Variants in FAAH2 observed in about 807,000 individuals in gnomAD.
FAAH2 encodes the protein fatty-acid amide hydrolase 2.
A neutral mutation model predicts 36.9 loss-of-function variants in FAAH2; 60 were observed. The ratio of observed to expected loss-of-function variants is 1.63; its 90% CI spans 1.32 to 2.02. The LOEUF is 2.02. Among genes scored for constraint, FAAH2 ranks in the 30% most tolerant of loss-of-function variants. FAAH2 has a pLI of 0.00. For missense variants in FAAH2, 689 were observed against 397.5 expected (o/e 1.73, Z -6.23); for synonymous variants, 214 against 143.8 (o/e 1.49, Z -3.49).
chrX:57,478,358 T>A (rs759844452), intron 10 of FAAH2, among the ~76,000 whole-genome samples: 5 of 111,672 alleles, frequency 4.5e-5, no homozygotes, highest in African/African-American at 1.3e-4. Flanking sequence ...CTTGTAAATT[T>A]GTTTGAGTTC....
intron 8 of FAAH2, among the ~76,000 whole-genome samples, chrX:57,433,272 A>G (rs748587804): frequency 1.1e-4 from 12 of 110,502 alleles, no homozygotes; most frequent in African/African-American, 1.6e-4. Flanking sequence ...AAGAGGGGGG[A>G]AAAATCTGCT....
At chrX:57,188,801 T>C in the FAAH2 span, among the ~76,000 whole-genome samples, 1 of 111,579 alleles carries the variant, frequency 9.0e-6, no homozygotes, top group African/African-American at 3.3e-5. Context: ...TACCTTTCTC[T>C]CTGGCTTTCC....
chrX:57,333,785 T>A (rs2053470323), intron 4 of FAAH2, among the ~76,000 whole-genome samples: 1 of 111,049 alleles, frequency 9.0e-6, no homozygotes, highest in African/African-American at 3.3e-5. Flanking sequence ...GGATTACAAA[T>A]GCATATAATA....
At chrX:57,301,567 C>A (rs959516293) in intron 2 of FAAH2, among the ~76,000 whole-genome samples, 1 of 106,642 alleles carries the variant, frequency 9.4e-6, no homozygotes, top group Non-Finnish European at 1.9e-5. Flanking sequence ...ACATATGTAA[C>A]AAACCTGCAC....
At chrX:57,291,603 G>A in intron 1 of FAAH2, among the ~76,000 whole-genome samples, 1 of 111,384 alleles carries the variant, frequency 9.0e-6, no homozygotes. Context: ...TTGATGTAAT[G>A]TTTATAATTT....
At chrX:57,368,454 A>G (rs975738466) in intron 5 of FAAH2, among the ~76,000 whole-genome samples, 2 of 111,104 alleles carry the variant, frequency 1.8e-5, no homozygotes, top group Non-Finnish European at 3.8e-5. Flanking sequence ...GACCAGCTGT[A>G]TGCTCTCTTG....
At chrX:57,190,012 T>C in the FAAH2 span, among the ~76,000 whole-genome samples, 1 of 112,014 alleles carries the variant, frequency 8.9e-6, no homozygotes, top group Non-Finnish European at 1.9e-5. Flanking sequence ...CAGCTGCCCC[T>C]TTCCCCAGGT....
chrX:57,319,571 A>T (rs1356912230), intron 3 of FAAH2, among the ~76,000 whole-genome samples: 1 of 112,348 alleles, frequency 8.9e-6, no homozygotes, highest in Admixed American at 9.4e-5. Flanking sequence ...AGAAAGAATC[A>T]ATATTGTGAA....
chrX:57,379,627 GACA>G (rs1039808139), intron 6 of FAAH2, among the ~76,000 whole-genome samples: 19 of 109,356 alleles, frequency 1.7e-4, no homozygotes, highest in African/African-American at 4.0e-4. Flanking sequence ...CTTAAAAAGA[GACA>G]ACATTTTTTT....
chrX:57,316,578 C>T (rs758034704), intron 3 of FAAH2, among the ~76,000 whole-genome samples: 36 of 111,224 alleles, frequency 3.2e-4, no homozygotes, highest in African/African-American at 8.8e-4. Context: ...CACACACATA[C>T]AACCATCTGA....
chrX:57,392,396 C>A (rs2055187244), intron 7 of FAAH2, among the ~76,000 whole-genome samples: 2 of 111,130 alleles, frequency 1.8e-5, no homozygotes. Flanking sequence ...TTGTTTTTGG[C>A]AAAACTATTT....
intron 5 of FAAH2, among the ~76,000 whole-genome samples, chrX:57,362,991 T>A (rs1438922012): frequency 2.7e-5 from 3 of 111,894 alleles, no homozygotes; most frequent in Non-Finnish European, 3.8e-5. Context: ...TGTAGTATAA[T>A]TTGAAGTTGA....
intron 7 of FAAH2, among the ~76,000 whole-genome samples, chrX:57,426,988 ACT>A (rs919002532): frequency 9.0e-6 from 1 of 110,974 alleles, no homozygotes; most frequent in Admixed American, 9.6e-5. Flanking sequence ...AATTGACAGA[ACT>A]CTCTCTAGAA....
At chrX:57,201,628 C>G in the FAAH2 span, among the ~76,000 whole-genome samples, 1 of 111,355 alleles carries the variant, frequency 9.0e-6, no homozygotes, top group African/African-American at 3.3e-5. Flanking sequence ...AACATATCAT[C>G]AAGTTTTGTT....
At chrX:57,404,220 T>A (rs1447487022) in intron 7 of FAAH2, among the ~76,000 whole-genome samples, 1 of 112,104 alleles carries the variant, frequency 8.9e-6, no homozygotes, top group Non-Finnish European at 1.9e-5. Context: ...TGGAGAAAAC[T>A]TTCAGTTATC....
intron 8 of FAAH2, among the ~76,000 whole-genome samples, chrX:57,443,473 A>G (rs1476133105): frequency 9.0e-6 from 1 of 111,034 alleles, no homozygotes; most frequent in Non-Finnish European, 1.9e-5. Flanking sequence ...TCATTTAGGG[A>G]CTTATCTACA....
chrX:57,377,070 G>C (rs1208684508), intron 5 of FAAH2, among the ~76,000 whole-genome samples: 1 of 112,336 alleles, frequency 8.9e-6, no homozygotes, highest in Admixed American at 9.4e-5. Flanking sequence ...CAGATGGATA[G>C]ATTGCAAAAA....
chrX:57,366,702 G>A (rs751536117), intron 5 of FAAH2, among the ~76,000 whole-genome samples: 19 of 112,583 alleles, frequency 1.7e-4, no homozygotes, highest in African/African-American at 5.8e-4. Flanking sequence ...AAACAGTTAA[G>A]CAGGGCTTGC....
the FAAH2 span, among the ~76,000 whole-genome samples, chrX:57,203,847 T>C: frequency 8.9e-6 from 1 of 112,072 alleles, no homozygotes; most frequent in East Asian, 2.8e-4. Context: ...TTCTAGATGC[T>C]TTTTTATTCT....
Sources: gnomAD v4.1 joint callset for allele counts (sites outside exome capture counted in the v4.1 genomes callset) on GRCh38, gnomAD v4.1.1 for gene constraint, MANE v1.5 for transcripts, NCBI Gene and HGNC (gene_info 2026-07-23, HGNC 2026-07-21) for gene names.